KEAP1: variants seen among roughly 807,000 people sequenced by gnomAD.
The protein encoded by KEAP1 is kelch-like ECH-associated protein 1.
A neutral mutation model predicts 59.7 loss-of-function variants in KEAP1; 26 were observed. That is an observed-to-expected ratio of 0.44 (90% confidence interval 0.32 to 0.60). The LOEUF (loss-of-function observed/expected upper bound fraction) is 0.60. Among genes scored for constraint, KEAP1 ranks in the 20% least tolerant of loss-of-function variants. KEAP1 has a pLI of 0.06. For missense variants in KEAP1, 539 were observed against 871.4 expected (o/e 0.62, Z 4.80); for synonymous variants, 350 against 358.3 (o/e 0.98, Z 0.26).
rs370768177 is a variant in KEAP1, at chr19:10,501,629, CAAAT to C, written c.-47-1553_-47-1550del. Among the ~76,000 whole-genome samples the C allele has an allele frequency of 1.4e-3, 213 of 151,782 alleles. 1 individual carries two copies. Among genetic ancestry groups the C allele is most frequent in the African/African-American group, 5.0e-3 (206 of 41,412 alleles). ...TGGGTGACAGAACAAGACTCCATCT[CAAAT>C]AAAACAAAAAAAAGATATTCTCATA... On this transcript the variant is annotated intron_variant, in intron 1 of 5. Coordinates refer to ENST00000171111, the MANE Select transcript of KEAP1 (RefSeq NM_203500.2).
chr19:10,492,154 T>C lies in KEAP1; in HGVS notation c.748A>G (p.Ile250Val), dbSNP rs1914697081. 1 of 1,614,064 alleles carries C rather than the reference T, an allele frequency of 6.2e-7. No individual in the cohort carries two copies. Among genetic ancestry groups the C allele is most frequent in the Non-Finnish European group, 8.5e-7 (1 of 1,180,030 alleles). ...TCGCAGTCGTACTTGACCCAGTTGA[T>C]GCAGGCGTGGAAGACCTCGGACTCG... ...RCESEVFHACINWVKYDCEQR... is the reference protein window; with the variant it reads ...RCESEVFHACVNWVKYDCEQR... The change falls in exon 3 of 6, where the codon ATC becomes GTC. Residue 250 changes from isoleucine to valine, a missense_variant. Coordinates refer to ENST00000171111, the MANE Select transcript of KEAP1 (RefSeq NM_203500.2).
intron 2 of KEAP1, among the ~76,000 whole-genome samples, chr19:10,495,991 C>T (rs543708303): frequency 6.6e-6 from 1 of 151,846 alleles, no homozygotes; most frequent in East Asian, 1.9e-4. Flanking sequence ...TTAAGACCAG[C>T]CTGGGCAACA....
At chr19:10,501,480 A>G (rs1915042571) in intron 1 of KEAP1, among the ~76,000 whole-genome samples, 1 of 151,386 alleles carries the variant, frequency 6.6e-6, no homozygotes, top group Middle Eastern at 3.4e-3. Flanking sequence ...ATACAAAAAA[A>G]TTAGCCGGGT....
At position 10,499,927 on chromosome 19, in the gene KEAP1, G is replaced by T. The variant is rs2144630406; in HGVS notation, c.107C>A (p.Thr36Asn). Residue 36 changes from threonine (T) to asparagine (N), a missense_variant, in exon 2 of 6, where the codon ACT becomes AAT. Around this residue, in one of 4 missense-constraint regions of KEAP1, gnomAD observed 166 missense variants for 295.8 expected, o/e 0.56. Coordinates refer to ENST00000171111, the MANE Select transcript of KEAP1 (RefSeq NM_203500.2). This position sits in a 1 kb window ranked among gnomAD's most constrained non-coding sequence, Gnocchi z 6.7. ...GAGDAVMYAS[T>N]ECKAEVTPSQ... ...GGGCGTCACCTCCGCCTTGCACTCA[G>T]TGGAGGCGTACATCACCGCGTCCCC... is the stretch of plus-strand genomic sequence containing the variant. 2 of 1,612,388 alleles carry T rather than the reference G, an allele frequency of 1.2e-6. No homozygotes were observed. The highest frequency in any genetic ancestry group is 2.7e-5 in the African/African-American group (2 of 75,022).
In KEAP1 at chr19:10,502,988, C is replaced by T. The variant is rs1490154820; in HGVS notation, c.-48+253G>A. 6.6e-6 allele frequency: 1 copy of T among 152,062 alleles called. No individual in the cohort carries two copies. Among genetic ancestry groups the T allele is most frequent in the Non-Finnish European group, 1.5e-5 (1 of 67,992 alleles). The allele number at this position is 152,062 out of a possible 1,614,324, so 9.4% of individuals were successfully genotyped here. A position where few individuals can be genotyped will look rare whatever the true frequency, so the allele number is the denominator to read the frequency against. On this transcript the variant is annotated intron_variant, in intron 1 of 5. Transcript: ENST00000171111. This position sits in a 1 kb window ranked among gnomAD's most constrained non-coding sequence, Gnocchi z 4.0. ...CCCTGAGCGCGCTTAGCCGCGTGGT[C>T]CGAGTCGCGGGGAGTCTGAACCCCG...
At chr19:10,500,947 T>G (rs989379637) in intron 1 of KEAP1, among the ~76,000 whole-genome samples, 14 of 152,170 alleles carry the variant, frequency 9.2e-5, no homozygotes, top group Non-Finnish European at 1.5e-5. Context: ...CCCGAAGTGC[T>G]GGGATTACAG....
In KEAP1 at chr19:10,501,943, G is replaced by A. The variant is rs117524565; in HGVS notation, c.-48+1298C>T. Among the ~76,000 whole-genome samples, 21 of 152,256 alleles carry A rather than the reference G, an allele frequency of 1.4e-4. No individual in the cohort carries two copies. The East Asian group carries it at 3.5e-3, about 25-fold the overall frequency. ...CCCTCTTTCTGGGACTCAACTCAAA[G>A]TCTCCTCTTCCCTGTTTTATTGTCA... On this transcript the variant is annotated intron_variant, in intron 1 of 5. Coordinates refer to ENST00000171111, the MANE Select transcript of KEAP1 (RefSeq NM_203500.2).
intron 2 of KEAP1, among the ~76,000 whole-genome samples, chr19:10,498,746 G>C (rs1362785923): frequency 6.6e-6 from 1 of 152,074 alleles, no homozygotes; most frequent in Non-Finnish European, 1.5e-5. Flanking sequence ...AAACCAGGGA[G>C]CCCAGAGACA....
chr19:10,486,743 G>A lies in KEAP1; in HGVS notation c.1784C>T (p.Thr595Ile), dbSNP rs2144578119. 1 of 1,614,086 alleles carries A rather than the reference G, an allele frequency of 6.2e-7. No individual in the cohort carries two copies. The highest frequency in any genetic ancestry group is 8.5e-7 in the Non-Finnish European group (1 of 1,180,024). ...DPDTDTWSEV[T>I]RMTSGRSGVG... Reference sequence around the variant, plus strand: ...CCCACTCCGGCCCGATGTCATTCGGGTCACCTCGCTCCAGGTGTCTGTATC... The same window carrying A: ...CCCACTCCGGCCCGATGTCATTCGGATCACCTCGCTCCAGGTGTCTGTATC... The change falls in exon 6 of 6, where the codon ACC (threonine) becomes ATC (isoleucine). Residue 595 changes from threonine to isoleucine, a missense_variant. By Grantham distance (89) the Thr-to-Ile change is moderately conservative. Transcript: ENST00000171111.
chr19:10,498,628 G>A (rs983624418), intron 2 of KEAP1, among the ~76,000 whole-genome samples: 29 of 152,140 alleles, frequency 1.9e-4, no homozygotes, highest in African/African-American at 7.0e-4. Context: ...CTTACAGCTT[G>A]CAGCCTGTCA....
chr19:10,500,878 C>T (rs1394451068), intron 1 of KEAP1, among the ~76,000 whole-genome samples: 1 of 152,088 alleles, frequency 6.6e-6, no homozygotes, highest in Non-Finnish European at 1.5e-5. Context: ...CTGGGTTTCG[C>T]CATGTTGGCC....
Position 10,491,726 on chromosome 19 carries a change from G to T in KEAP1, c.1176C>A (p.Ala392=), listed in dbSNP as rs757375650. Residue 392 remains alanine, a synonymous_variant, in exon 3 of 6, where the codon GCC becomes GCA. Transcript: ENST00000171111. The surrounding 1 kb of genome is among the most constrained non-coding windows in gnomAD (Gnocchi z 5.2). ...NSPDGNTDSS[A]LDCYNPMTNQ... ...TGGTCATGGGGTTGTAACAGTCCAG[G>T]GCGCTGGAGTCGGTGTTGCCGTCGG... is the stretch of plus-strand genomic sequence containing the variant. The T allele has an allele frequency of 7.0e-6, 11 of 1,568,718 alleles. No individual in the cohort carries two copies. In the South Asian group the frequency reaches 1.2e-4, roughly 17 times the overall value.
intron 3 of KEAP1, chr19:10,490,221 C>G (rs1672946066): frequency 5.3e-6 from 1 of 188,352 alleles, no homozygotes; most frequent in African/African-American, 2.4e-5. Flanking sequence ...CACTGCACTC[C>G]AACCTGGGCA....
intron 2 of KEAP1, among the ~76,000 whole-genome samples, chr19:10,495,008 A>T (rs1435643672): frequency 6.7e-6 from 1 of 148,812 alleles, no homozygotes; most frequent in Non-Finnish European, 1.5e-5. Context: ...GTCAGGCTGG[A>T]TACAGTGGCG....
Position 10,499,022 on chromosome 19 carries a change from A to G in KEAP1, c.639+373T>C, listed in dbSNP as rs1405334124. On this transcript the variant is annotated intron_variant, in intron 2 of 5. Transcript: ENST00000171111. The surrounding 1 kb of genome is among the most constrained non-coding windows in gnomAD (Gnocchi z 6.7). Reference sequence around the variant, plus strand: ...GCTAATTTTTATATTTTTAGTAGAGATGGGTTTTAGCTATGTGGGCCAGGC... The same window carrying G: ...GCTAATTTTTATATTTTTAGTAGAGGTGGGTTTTAGCTATGTGGGCCAGGC... Among the ~76,000 whole-genome samples the G allele has an allele frequency of 2.0e-5, 3 of 151,738 alleles. No homozygotes were observed. The highest frequency in any genetic ancestry group is 4.4e-5 in the Non-Finnish European group (3 of 67,986).
At position 10,499,947 on chromosome 19, in the gene KEAP1, G is replaced by A. The variant is rs746477922; in HGVS notation, c.87C>T (p.Asp29=). ...LQSQCPEGAG[D]AVMYASTECK... ...ACTCAGTGGAGGCGTACATCACCGC[G>A]TCCCCTGCCCCCTCAGGGCACTGTG... is the stretch of plus-strand genomic sequence containing the variant. The change falls in exon 2 of 6, where the codon GAC becomes GAT. Residue 29 remains aspartate (D), a synonymous_variant. Transcript: ENST00000171111. This position sits in a 1 kb window ranked among gnomAD's most constrained non-coding sequence, Gnocchi z 6.7. 9 of 1,608,610 alleles carry A rather than the reference G, an allele frequency of 5.6e-6. No individual in the cohort carries two copies. Among genetic ancestry groups the A allele is most frequent in the African/African-American group, 1.3e-5 (1 of 74,938 alleles).
At chr19:10,494,410 A>C (rs991083517) in intron 2 of KEAP1, among the ~76,000 whole-genome samples, 3 of 140,286 alleles carry the variant, frequency 2.1e-5, no homozygotes, top group Admixed American at 1.6e-4. Context: ...GGCTCACTGC[A>C]AGCTCCACCT....
Position 10,489,378 on chromosome 19 carries a change from A to G in KEAP1, c.1532-10T>C, listed in dbSNP as rs754643151. ...TGCAGGACGCAGACGCCTAAAGGGC[A>G]CCATGCAGAGAAGGTGACTCTGGGG... On this transcript the variant is annotated splice_polypyrimidine_tract_variant and intron_variant, in intron 4 of 5. Transcript: ENST00000171111. 1 of 1,608,570 alleles carries G rather than the reference A, an allele frequency of 6.2e-7. No individual in the cohort carries two copies. Among genetic ancestry groups the G allele is most frequent in the East Asian group, 2.2e-5 (1 of 44,712 alleles).
intron 2 of KEAP1, among the ~76,000 whole-genome samples, chr19:10,498,889 G>A: frequency 6.6e-6 from 1 of 151,088 alleles, no homozygotes; most frequent in South Asian, 2.1e-4. Context: ...AAGCTGGAGT[G>A]CAGTGGCTCG....
Sources: gnomAD v4.1 joint callset for allele counts (sites outside exome capture counted in the v4.1 genomes callset) on GRCh38, gnomAD v4.1.1 for gene constraint, gnomAD v4.1.1 regional missense constraint, Gnocchi (gnomAD v3.1) non-coding constraint, MANE v1.5 for transcripts, NCBI Gene and HGNC (gene_info 2026-07-23, HGNC 2026-07-21) for gene names.